ZSWIM6: variants seen among roughly 807,000 people sequenced by gnomAD.
ZSWIM6 encodes the protein zinc finger SWIM domain-containing protein 6.
ZSWIM6 carries 9 observed loss-of-function variants against 113.2 expected under a neutral mutation model. The observed-to-expected ratio is 0.08, with a 90% confidence interval of 0.05 to 0.14. The LOEUF (loss-of-function observed/expected upper bound fraction) is 0.14. ZSWIM6 is among the 10% of genes least tolerant of loss of function. ZSWIM6 has a pLI of 1.00. For synonymous variants in ZSWIM6, 611 were observed against 606.5 expected (o/e 1.01, Z -0.11); for missense variants, 1,162 against 1,552.2 (o/e 0.75, Z 4.22).
At chr5:61,402,816 ATATCT>A (rs746860066) in intron 1 of ZSWIM6, among the ~76,000 whole-genome samples, 8 of 152,206 alleles carry the variant, frequency 5.3e-5, no homozygotes, top group Non-Finnish European at 1.0e-4. Flanking sequence ...TTTGGGCATA[ATATCT>A]TATTTATATT....
intron 1 of ZSWIM6, among the ~76,000 whole-genome samples, chr5:61,359,691 T>C (rs1392231811): frequency 6.6e-6 from 1 of 152,222 alleles, no homozygotes; most frequent in Non-Finnish European, 1.5e-5. Flanking sequence ...GTGGGTTTGA[T>C]GCTTGAAGAG....
At chr5:61,384,585 A>G (rs1405438047) in intron 1 of ZSWIM6, among the ~76,000 whole-genome samples, 3 of 152,196 alleles carry the variant, frequency 2.0e-5, no homozygotes, top group African/African-American at 7.2e-5. Flanking sequence ...GTTTGGCTTT[A>G]GTGAGATTAT....
rs184965982 is a variant in ZSWIM6, at chr5:61,457,295, T to C, written c.677-15386T>C. Among the ~76,000 whole-genome samples the C allele has an allele frequency of 5.9e-5, 9 of 152,338 alleles. No individual in the cohort carries two copies. The East Asian group carries it at 1.7e-3, about 29-fold the overall frequency. ...TTATGAAACGTTTGATGAGCTGATG[T>C]GTTCGATTTATACATGAATAGCCAT... On this transcript the variant is annotated intron_variant, in intron 1 of 13. Transcript: ENST00000252744.
rs777309802 is a variant in ZSWIM6 at position 61,364,287 on chromosome 5, A to G, written c.676+31339A>G. On this transcript the variant is annotated intron_variant, in intron 1 of 13. Coordinates refer to ENST00000252744, the MANE Select transcript of ZSWIM6 (RefSeq NM_020928.2). The stretch of plus-strand genomic sequence containing the variant: ...AAAAGTAACATAATTCTAAAATTGT[A>G]GTTGGTAGGTTTTTTGCATATACAT... 3.9e-5 allele frequency among the ~76,000 whole-genome samples: 6 copies of G among 152,186 alleles called. No individual in the cohort carries two copies. In the South Asian group the frequency reaches 6.2e-4, roughly 16 times the overall value.
intron 1 of ZSWIM6, among the ~76,000 whole-genome samples, chr5:61,402,935 G>A (rs1276677965): frequency 6.6e-6 from 1 of 152,138 alleles, no homozygotes; most frequent in African/African-American, 2.4e-5. Flanking sequence ...CTAATGATTT[G>A]CACACATGAA....
intron 1 of ZSWIM6, among the ~76,000 whole-genome samples, chr5:61,409,663 T>G (rs1746116387): frequency 6.6e-6 from 1 of 152,222 alleles, no homozygotes; most frequent in Admixed American, 6.5e-5. Flanking sequence ...TCATTTTGCT[T>G]AGTCATACCT....
intron 1 of ZSWIM6, among the ~76,000 whole-genome samples, chr5:61,334,915 C>T (rs1456251837): frequency 6.6e-6 from 1 of 151,534 alleles, no homozygotes; most frequent in Non-Finnish European, 1.5e-5. Context: ...TTCCCCCTCC[C>T]TCTCCCTGTG....
At chr5:61,498,796 A>G (rs972552458) in intron 4 of ZSWIM6, among the ~76,000 whole-genome samples, 31 of 152,198 alleles carry the variant, frequency 2.0e-4, no homozygotes, top group Admixed American at 1.9e-3. Flanking sequence ...ATTCAAAATG[A>G]TACTTTTAAG....
intron 4 of ZSWIM6, among the ~76,000 whole-genome samples, chr5:61,505,143 T>C (rs1029043750): frequency 3.0e-4 from 45 of 152,326 alleles, no homozygotes; most frequent in Non-Finnish European, 4.6e-4. Flanking sequence ...ATGAAACTGT[T>C]TATGAACGGT....
At chr5:61,539,480 T>C in intron 11 of ZSWIM6, 116 bp from the exon 12 acceptor site, 1 of 1,236,734 alleles carries the variant, frequency 8.1e-7, no homozygotes. Context: ...CTTTATGTTT[T>C]GTTTTGTTTC....
intron 1 of ZSWIM6, among the ~76,000 whole-genome samples, chr5:61,456,786 C>G (rs1381361227): frequency 1.3e-5 from 2 of 152,038 alleles, no homozygotes; most frequent in African/African-American, 4.8e-5. Context: ...CTGTAGCTAT[C>G]ATTTATTGTA....
At chr5:61,539,118 G>A in intron 11 of ZSWIM6, 147 bp downstream of exon 11, 1 of 933,616 alleles carries the variant, frequency 1.1e-6, no homozygotes, top group Non-Finnish European at 1.5e-6. Flanking sequence ...AGCTTTTAAG[G>A]CAAAACAGGT....
Position 61,459,235 on chromosome 5 carries a change from T to C in ZSWIM6, c.677-13446T>C, listed in dbSNP as rs563906830. Among the ~76,000 whole-genome samples, 6 of 152,336 alleles carry C rather than the reference T, an allele frequency of 3.9e-5. No individual in the cohort carries two copies. In the East Asian group the frequency reaches 1.2e-3, roughly 29 times the overall value. On this transcript the variant is annotated intron_variant, in intron 1 of 13. Transcript: ENST00000252744. Reference sequence around the variant, plus strand: ...CATAAATAGCTTTATTTAACAGTTATTTGATATTGAAAGGAAAATTGTAGT... The same window carrying C: ...CATAAATAGCTTTATTTAACAGTTACTTGATATTGAAAGGAAAATTGTAGT...
intron 1 of ZSWIM6, among the ~76,000 whole-genome samples, chr5:61,426,755 C>G (rs952021853): frequency 6.6e-6 from 1 of 151,908 alleles, no homozygotes; most frequent in African/African-American, 2.4e-5. Flanking sequence ...AATAGCATGC[C>G]CACCTTTTTC....
chr5:61,359,043 C>T (rs1744978880), intron 1 of ZSWIM6, among the ~76,000 whole-genome samples: 1 of 152,026 alleles, frequency 6.6e-6, no homozygotes, highest in African/African-American at 2.4e-5. Flanking sequence ...ATTAAGAGCG[C>T]AATACATATA....
chr5:61,409,801 T>C (rs1746118861), intron 1 of ZSWIM6, among the ~76,000 whole-genome samples: 1 of 152,086 alleles, frequency 6.6e-6, no homozygotes, highest in African/African-American at 2.4e-5. Context: ...TGGAGTGCAA[T>C]ACCAGTTCAT....
In ZSWIM6 at chr5:61,494,516, A is replaced by G. The variant is rs1041176204; in HGVS notation, c.1333+106A>G. 3.6e-6 allele frequency: 5 copies of G among 1,399,922 alleles called. No homozygotes were observed. In the East Asian group the frequency reaches 1.3e-4, roughly 35 times the overall value. 86.7% of individuals were successfully genotyped at this position (1,399,922 alleles called of 1,614,324 possible). A position where few individuals can be genotyped will look rare whatever the true frequency, so the allele number is the denominator to read the frequency against. On this transcript the variant is annotated intron_variant, in intron 4 of 13. Coordinates refer to ENST00000252744, the MANE Select transcript of ZSWIM6 (RefSeq NM_020928.2). ...AGTATTGCTGAAGAGAGAGCTGCTC[A>G]TGCATGGAACGTGTTGCCAATATAT... is the stretch of plus-strand genomic sequence containing the variant.
chr5:61,486,555 C>A (rs1748027165), intron 2 of ZSWIM6, among the ~76,000 whole-genome samples: 1 of 152,106 alleles, frequency 6.6e-6, no homozygotes, highest in Admixed American at 6.6e-5. Flanking sequence ...TTTATATTCC[C>A]ACCAACTGTG....
intron 13 of ZSWIM6, 50 bp downstream of exon 13, chr5:61,542,015 T>A: frequency 6.8e-7 from 1 of 1,479,656 alleles, no homozygotes; most frequent in Non-Finnish European, 9.2e-7. Flanking sequence ...ATGGTAGGAT[T>A]TAACTTGTCA....
Sources: allele counts gnomAD v4.1 joint callset (sites outside exome capture counted in the v4.1 genomes callset), GRCh38; gene constraint gnomAD v4.1.1; transcripts MANE v1.5; gene names NCBI Gene and HGNC (gene_info 2026-07-23, HGNC 2026-07-21).